Variants in WDPCP observed in about 807,000 individuals in gnomAD.
The protein encoded by WDPCP is WD repeat containing planar cell polarity effector.
Under a neutral mutation model 93.1 loss-of-function variants are expected in WDPCP, and 71 were observed. That is an observed-to-expected ratio of 0.76 (90% confidence interval 0.63 to 0.93). WDPCP has a LOEUF of 0.93. WDPCP is among the 40% of genes least tolerant of loss of function. The probability of loss-of-function intolerance (pLI) is 0.00; values close to 1 mark genes in which losing one functional copy is unlikely to be tolerated. For missense variants in WDPCP, 844 were observed against 887.4 expected (o/e 0.95, Z 0.62); for synonymous variants, 315 against 315.0 (o/e 1.00, Z 0.00).
intron 12 of WDPCP, among the ~76,000 whole-genome samples, chr2:63,320,223 T>A (rs896271896): frequency 3.3e-5 from 5 of 152,140 alleles, no homozygotes; most frequent in Admixed American, 2.6e-4. Context: ...AAATTTTATA[T>A]GCAGCAAAGA....
chr2:63,628,545 A>G (rs1240887103), intron 3 of WDPCP, among the ~76,000 whole-genome samples: 3 of 152,202 alleles, frequency 2.0e-5, no homozygotes, highest in African/African-American at 7.2e-5. Flanking sequence ...CTTAAAATAG[A>G]GAGGTTTCAG....
At chr2:63,254,273 A>G (rs1336813412) in intron 14 of WDPCP, among the ~76,000 whole-genome samples, 1 of 152,124 alleles carries the variant, frequency 6.6e-6, no homozygotes, top group African/African-American at 2.4e-5. Flanking sequence ...CTTGGGTACT[A>G]TTGCTTACTA....
intron 6 of WDPCP, among the ~76,000 whole-genome samples, chr2:63,453,030 T>A (rs2105667060): frequency 6.6e-6 from 1 of 152,306 alleles, no homozygotes; most frequent in African/African-American, 2.4e-5. Context: ...GACATAGGCA[T>A]GGACAAGGAC....
chr2:63,153,123 T>C, intron 16 of WDPCP, 178 bp from the exon 17 acceptor site: 1 of 614,224 alleles, frequency 1.6e-6, no homozygotes, highest in South Asian at 2.0e-5. Flanking sequence ...ATCATTTTCA[T>C]ATATATGTGT....
intron 13 of WDPCP, among the ~76,000 whole-genome samples, chr2:63,290,298 T>C (rs189306128): frequency 3.8e-4 from 58 of 152,204 alleles, no homozygotes; most frequent in Admixed American, 3.1e-3. Context: ...ACAGTCTACC[T>C]AGAATTCATA....
At chr2:63,585,571 T>C (rs1285732627) in intron 1 of WDPCP, among the ~76,000 whole-genome samples, 1 of 152,134 alleles carries the variant, frequency 6.6e-6, no homozygotes, top group Non-Finnish European at 1.5e-5. Context: ...AAATACATGA[T>C]CCTATGGTAA....
intron 2 of WDPCP, among the ~76,000 whole-genome samples, chr2:63,754,701 G>T (rs1038143619): frequency 5.9e-5 from 9 of 152,176 alleles, no homozygotes; most frequent in Admixed American, 2.0e-4. Flanking sequence ...AATCATTCAG[G>T]CACCTGAGCT....
chr2:63,137,929 C>G (rs1226318848), intron 17 of WDPCP, among the ~76,000 whole-genome samples: 2 of 152,138 alleles, frequency 1.3e-5, no homozygotes, highest in East Asian at 3.8e-4. Flanking sequence ...TGTTTTTGTA[C>G]AGGTACCATG....
intron 1 of WDPCP, chr2:63,564,131 G>A (rs756489696): frequency 1.3e-5 from 2 of 152,112 alleles, no homozygotes; most frequent in African/African-American, 4.8e-5. Flanking sequence ...TACATAAAAC[G>A]AAGTACTTTT....
chr2:63,504,432 G>A (rs2106032436), intron 1 of WDPCP, among the ~76,000 whole-genome samples: 1 of 151,412 alleles, frequency 6.6e-6, no homozygotes, highest in Non-Finnish European at 1.5e-5. Flanking sequence ...TTTCTCCAGA[G>A]TCCATGTATC....
chr2:63,196,817 A>G (rs1221429470), intron 14 of WDPCP, among the ~76,000 whole-genome samples: 2 of 152,208 alleles, frequency 1.3e-5, no homozygotes, highest in Non-Finnish European at 2.9e-5. Flanking sequence ...GCCTCCGACT[A>G]TGAGTAGTCA....
chr2:63,261,164 C>G (rs1328334298), intron 13 of WDPCP, among the ~76,000 whole-genome samples: 5 of 141,588 alleles, frequency 3.5e-5, no homozygotes, highest in Non-Finnish European at 7.6e-5. Context: ...ACTTCCTGCA[C>G]TGTCGAAAGG....
At chr2:63,147,222 G>C (rs975686613) in intron 17 of WDPCP, among the ~76,000 whole-genome samples, 1 of 152,140 alleles carries the variant, frequency 6.6e-6, no homozygotes, top group Non-Finnish European at 1.5e-5. Flanking sequence ...ATGATACTTA[G>C]GTAGGTTACT....
intron 2 of WDPCP, among the ~76,000 whole-genome samples, chr2:63,687,163 G>A (rs116558852): frequency 0.046 from 7,075 of 152,232 alleles, 198 homozygotes; most frequent in South Asian, 0.083. Flanking sequence ...TGGGCTGCAT[G>A]CAGCCCAAGG....
chr2:63,720,217 G>A (rs1311750183), intron 2 of WDPCP, among the ~76,000 whole-genome samples: 1 of 151,984 alleles, frequency 6.6e-6, no homozygotes, highest in Non-Finnish European at 1.5e-5. Flanking sequence ...AGAAGTTCGA[G>A]ACCAGCCTGG....
chr2:63,323,928 A>T lies in WDPCP; in HGVS notation c.1749-10617T>A, dbSNP rs142275592. On this transcript the variant is annotated intron_variant, in intron 12 of 17. Coordinates refer to ENST00000272321, the MANE Select transcript of WDPCP (RefSeq NM_015910.7). ...CAGGTTTGTGGGTGGGGGAGAAACA[A>T]AACAAACCAAAACCACAGGCGGTTT... 3.4e-3 allele frequency among the ~76,000 whole-genome samples: 525 copies of T among 152,180 alleles called. 1 individual carries two copies. Among genetic ancestry groups the T allele is most frequent in the Non-Finnish European group, 5.5e-3 (375 of 68,004 alleles).
At chr2:63,190,245 T>C (rs950158824) in intron 14 of WDPCP, among the ~76,000 whole-genome samples, 1 of 151,806 alleles carries the variant, frequency 6.6e-6, no homozygotes, top group Middle Eastern at 3.4e-3. Flanking sequence ...TTGGGCAACA[T>C]GGCAAAACCC....
In WDPCP at chr2:63,378,384, AC is replaced by A. The variant is rs751090036; in HGVS notation, c.1748+1del. 6.2e-7 allele frequency: 1 copy of A among 1,612,914 alleles called. No homozygotes were observed. The highest frequency in any genetic ancestry group is 2.2e-5 in the East Asian group (1 of 44,780). ...GCTAATCAATCCAAACATATCATTCACCTGAGCAAGTGATGGAAGAATCTCC... is the reference window on the plus strand; with the variant it reads ...GCTAATCAATCCAAACATATCATTCACTGAGCAAGTGATGGAAGAATCTCC... On this transcript the variant is annotated splice_donor_variant, in intron 12 of 17. Transcript: ENST00000272321. LOFTEE classifies it high-confidence loss of function.
chr2:63,669,358 A>T (rs963992645), intron 2 of WDPCP, among the ~76,000 whole-genome samples: 13 of 76,656 alleles, frequency 1.7e-4, no homozygotes, highest in Non-Finnish European at 2.8e-4. Context: ...TTTTTATTTT[A>T]TTTTATTTTA....
Sources: gnomAD v4.1 joint callset for allele counts (sites outside exome capture counted in the v4.1 genomes callset) on GRCh38, gnomAD v4.1.1 for gene constraint, MANE v1.5 for transcripts, NCBI Gene and HGNC (gene_info 2026-07-23, HGNC 2026-07-21) for gene names.